LRMDA: variants seen among roughly 807,000 people sequenced by gnomAD.
The protein encoded by LRMDA is leucine-rich melanocyte differentiation-associated protein.
Under a neutral mutation model 29.8 loss-of-function variants are expected in LRMDA, and 18 were observed. The ratio of observed to expected loss-of-function variants is 0.60; its 90% CI spans 0.42 to 0.90. The LOEUF (loss-of-function observed/expected upper bound fraction) is 0.90, where lower values mean the gene tolerates loss of function less well. LRMDA is among the 40% of genes least tolerant of loss of function. LRMDA has a pLI of 0.00. For missense variants in LRMDA, 273 were observed against 273.9 expected (o/e 1.00, Z 0.02); for synonymous variants, 125 against 109.4 (o/e 1.14, Z -0.89).
At chr10:75,607,284 C>T (rs768286654) in intron 2 of LRMDA, among the ~76,000 whole-genome samples, 17 of 152,234 alleles carry the variant, frequency 1.1e-4, no homozygotes, top group South Asian at 4.1e-4. Flanking sequence ...TCTTGACATA[C>T]GATAGGAAAG....
In LRMDA at chr10:76,113,494, T is replaced by A. The variant is rs199781442; in HGVS notation, c.516+54711T>A. ...AGGGGGGAAAAAACCAACCTGAGAG[T>A]GGTTTAAAATCAGAACAGAGTGTTG... On this transcript the variant is annotated intron_variant, in intron 5 of 6. Transcript: ENST00000611255. 5.9e-5 allele frequency among the ~76,000 whole-genome samples: 9 copies of A among 151,518 alleles called. No individual in the cohort carries two copies. The East Asian group carries it at 1.6e-3, about 26-fold the overall frequency.
At chr10:75,880,522 A>G (rs1046303544) in intron 2 of LRMDA, among the ~76,000 whole-genome samples, 6 of 152,238 alleles carry the variant, frequency 3.9e-5, no homozygotes, top group African/African-American at 1.4e-4. Flanking sequence ...TGTGAGATGA[A>G]CAAATTGGGA....
At chr10:76,211,322 C>CT (rs981025997) in intron 5 of LRMDA, among the ~76,000 whole-genome samples, 1 of 152,182 alleles carries the variant, frequency 6.6e-6, no homozygotes, top group Non-Finnish European at 1.5e-5. Flanking sequence ...CACATTCCTC[C>CT]TTTTTTTCAT....
At chr10:76,097,062 G>A (rs544375476) in intron 5 of LRMDA, among the ~76,000 whole-genome samples, 20 of 152,008 alleles carry the variant, frequency 1.3e-4, no homozygotes, top group African/African-American at 4.8e-4. Context: ...CCAGGCTGGA[G>A]TGCAGTGGCA....
chr10:76,429,041 A>ACACAC (rs1554820441), intron 6 of LRMDA, among the ~76,000 whole-genome samples: 1 of 63,952 alleles, frequency 1.6e-5, no homozygotes, highest in Non-Finnish European at 3.7e-5. Context: ...CACACACACA[A>ACACAC]ACACACACAC....
At chr10:75,718,122 C>T (rs938047570) in intron 2 of LRMDA, among the ~76,000 whole-genome samples, 2 of 152,078 alleles carry the variant, frequency 1.3e-5, no homozygotes, top group African/African-American at 2.4e-5. Context: ...TTATTTGCAC[C>T]ATTTACTATC....
chr10:76,521,010 A>G (rs1181990896), intron 6 of LRMDA, among the ~76,000 whole-genome samples: 1 of 152,134 alleles, frequency 6.6e-6, no homozygotes, highest in Non-Finnish European at 1.5e-5. Context: ...TGAATTATAT[A>G]TATTTCCTTG....
At chr10:75,488,682 T>C (rs1206632195) in intron 2 of LRMDA, among the ~76,000 whole-genome samples, 3 of 152,184 alleles carry the variant, frequency 2.0e-5, no homozygotes, top group African/African-American at 7.2e-5. Context: ...TGTCTGTCAC[T>C]GTCCCTATGG....
At chr10:75,748,732 C>T (rs1842918375) in intron 2 of LRMDA, among the ~76,000 whole-genome samples, 1 of 151,838 alleles carries the variant, frequency 6.6e-6, no homozygotes, top group Non-Finnish European at 1.5e-5. Context: ...GGGTTGTAAC[C>T]AACATTATAA....
intron 2 of LRMDA, among the ~76,000 whole-genome samples, chr10:75,544,820 A>G (rs1009231220): frequency 1.3e-5 from 2 of 152,240 alleles, no homozygotes; most frequent in Admixed American, 6.5e-5. Context: ...TATACATTTA[A>G]GGTATACAAC....
chr10:76,078,779 T>C (rs184644984), intron 5 of LRMDA, among the ~76,000 whole-genome samples: 41 of 152,268 alleles, frequency 2.7e-4, no homozygotes, highest in Non-Finnish European at 4.1e-4. Context: ...GAGCTTGCAG[T>C]GAGCTGAGAT....
intron 2 of LRMDA, among the ~76,000 whole-genome samples, chr10:75,891,115 A>AAG (rs1564598414): frequency 2.0e-5 from 3 of 151,404 alleles, no homozygotes; most frequent in African/African-American, 4.9e-5. Context: ...ACAAAAAAAA[A>AAG]AAAGAAAGAA....
intron 5 of LRMDA, chr10:76,260,870 A>G (rs923774882): frequency 3.5e-4 from 53 of 152,162 alleles, no homozygotes; most frequent in African/African-American, 1.2e-3. Flanking sequence ...CTGTATCATT[A>G]TAATTTGAGT....
At chr10:75,736,783 G>A (rs1046116179) in intron 2 of LRMDA, among the ~76,000 whole-genome samples, 3 of 152,024 alleles carry the variant, frequency 2.0e-5, no homozygotes, top group African/African-American at 7.2e-5. Context: ...TTATATTCTT[G>A]ATAGGATTAT....
At chr10:75,436,537 G>A (rs557513123) in intron 1 of LRMDA, among the ~76,000 whole-genome samples, 21 of 151,530 alleles carry the variant, frequency 1.4e-4, no homozygotes, top group African/African-American at 4.6e-4. Flanking sequence ...GTGCAATCTC[G>A]GCTCACTGCA....
chr10:76,110,786 C>T (rs755677003), intron 5 of LRMDA, among the ~76,000 whole-genome samples: 4 of 152,052 alleles, frequency 2.6e-5, no homozygotes, highest in South Asian at 2.1e-4. Context: ...AACTGTAAGT[C>T]GAATTAAATC....
chr10:76,246,636 T>C (rs1198702213), intron 5 of LRMDA, among the ~76,000 whole-genome samples: 1 of 152,098 alleles, frequency 6.6e-6, no homozygotes, highest in Admixed American at 6.5e-5. Flanking sequence ...GAAGCACAGA[T>C]AGGAGTGAGT....
At chr10:76,515,442 G>A (rs1379592553) in intron 6 of LRMDA, among the ~76,000 whole-genome samples, 2 of 152,086 alleles carry the variant, frequency 1.3e-5, no homozygotes, top group African/African-American at 4.8e-5. Context: ...AAGTATTTAA[G>A]CCATTAAAAA....
At chr10:75,911,052 G>GCTGGCCA (rs1389303623) in intron 2 of LRMDA, among the ~76,000 whole-genome samples, 1 of 151,918 alleles carries the variant, frequency 6.6e-6, no homozygotes, top group East Asian at 1.9e-4. Context: ...TTTACTGTGT[G>GCTGGCCA]CTGGCCACTG....
Sources: allele counts gnomAD v4.1 joint callset (sites outside exome capture counted in the v4.1 genomes callset), GRCh38; gene constraint gnomAD v4.1.1; transcripts MANE v1.5; gene names NCBI Gene and HGNC (gene_info 2026-07-23, HGNC 2026-07-21).